Variants in ARK2N observed in about 807,000 individuals in gnomAD.
ARK2N encodes arkadia (RNF111) N-terminal like PKA signaling regulator 2N.
chr18:46,225,245 C>T, the ARK2N span, among the ~76,000 whole-genome samples: 5 of 152,254 alleles, frequency 3.3e-5, no homozygotes, highest in African/African-American at 1.2e-4. Context: ...ACTGCCACAG[C>T]AGCCCTTTGG....
chr18:46,252,685 T>C, the ARK2N span, among the ~76,000 whole-genome samples: 1 of 152,198 alleles, frequency 6.6e-6, no homozygotes, highest in East Asian at 1.9e-4. Flanking sequence ...CTTTAGAGGG[T>C]AAATGAGAAT....
the ARK2N span, among the ~76,000 whole-genome samples, chr18:46,241,027 A>T: frequency 6.6e-6 from 1 of 152,238 alleles, no homozygotes; most frequent in African/African-American, 2.4e-5. Context: ...TTAATTTATA[A>T]ATGCATTGGT....
the ARK2N span, among the ~76,000 whole-genome samples, chr18:46,249,240 C>CT: frequency 6.6e-6 from 1 of 151,494 alleles, no homozygotes; most frequent in Non-Finnish European, 1.5e-5. Context: ...TTTTTTTTTA[C>CT]TTTTTTTGAG....
chr18:46,204,857 T>A, the ARK2N span, among the ~76,000 whole-genome samples: 1 of 152,076 alleles, frequency 6.6e-6, no homozygotes, highest in African/African-American at 2.4e-5. Flanking sequence ...TTGCATTCCT[T>A]ACATTAGGAA....
At chr18:46,261,755 T>C in the ARK2N span, among the ~76,000 whole-genome samples, 1 of 152,240 alleles carries the variant, frequency 6.6e-6, no homozygotes, top group Admixed American at 6.5e-5. Flanking sequence ...GCTCTGGCCC[T>C]GAGAGATCTG....
the ARK2N span, among the ~76,000 whole-genome samples, chr18:46,229,186 T>C: frequency 6.6e-6 from 1 of 152,078 alleles, no homozygotes; most frequent in Non-Finnish European, 1.5e-5. Context: ...CAGAGTGCTT[T>C]GAAGGTAATA....
chr18:46,234,808 G>A, the ARK2N span, among the ~76,000 whole-genome samples: 2 of 152,206 alleles, frequency 1.3e-5, no homozygotes, highest in East Asian at 1.9e-4. Flanking sequence ...CAAAGGGCCT[G>A]TGATAGGGTC....
chr18:46,198,310 CAAAAAAAAAA>C, the ARK2N span, among the ~76,000 whole-genome samples: 3 of 69,114 alleles, frequency 4.3e-5, no homozygotes, highest in African/African-American at 1.1e-4. Context: ...ACTCCATCTC[CAAAAAAAAAA>C]AAAAAAAAAA....
At chr18:46,231,574 T>A in the ARK2N span, among the ~76,000 whole-genome samples, 1 of 149,900 alleles carries the variant, frequency 6.7e-6, no homozygotes, top group Non-Finnish European at 1.5e-5. Flanking sequence ...GGCTTTTTTT[T>A]TTTTTTTTTT....
chr18:46,232,303 C>G, the ARK2N span: 4 of 152,000 alleles, frequency 2.6e-5, no homozygotes, highest in African/African-American at 9.7e-5. Flanking sequence ...AAAAAGGTAG[C>G]CTTTTAAATT....
At chr18:46,221,991 T>A in the ARK2N span, among the ~76,000 whole-genome samples, 2 of 152,262 alleles carry the variant, frequency 1.3e-5, no homozygotes, top group Admixed American at 1.3e-4. Flanking sequence ...AAAAACTGTC[T>A]ATTTTCAGAT....
the ARK2N span, among the ~76,000 whole-genome samples, chr18:46,246,245 C>T: frequency 1.6e-4 from 24 of 149,454 alleles, no homozygotes; most frequent in Admixed American, 1.2e-3. Context: ...GGGGGTGAGG[C>T]GGGGTGGGGA....
chr18:46,221,364 G>GTAGA, the ARK2N span, among the ~76,000 whole-genome samples: 1 of 150,666 alleles, frequency 6.6e-6, no homozygotes, highest in Non-Finnish European at 1.5e-5. Flanking sequence ...TGGCCAACAT[G>GTAGA]GTGAAACCCC....
the ARK2N span, among the ~76,000 whole-genome samples, chr18:46,192,131 C>T: frequency 0.021 from 3,269 of 152,196 alleles, 102 homozygotes; most frequent in African/African-American, 0.073. Flanking sequence ...GTGTGTTTTT[C>T]AGCATTTTTG....
the ARK2N span, among the ~76,000 whole-genome samples, chr18:46,250,196 G>A: frequency 3.5e-4 from 53 of 152,010 alleles, no homozygotes; most frequent in Admixed American, 2.2e-3. Context: ...TGCTTACTCC[G>A]TGATAGTTTC....
chr18:46,241,679 T>A, the ARK2N span, among the ~76,000 whole-genome samples: 1 of 151,988 alleles, frequency 6.6e-6, no homozygotes, highest in Non-Finnish European at 1.5e-5. Flanking sequence ...GAGCTAAGAT[T>A]GTGCCACTGC....
the ARK2N span, among the ~76,000 whole-genome samples, chr18:46,261,635 C>A: frequency 6.6e-6 from 1 of 152,126 alleles, no homozygotes; most frequent in Non-Finnish European, 1.5e-5. Flanking sequence ...CTATTTATTT[C>A]TCTAGCTAAT....
At chr18:46,253,861 A>T in the ARK2N span, 1 of 1,542,566 alleles carries the variant, frequency 6.5e-7, no homozygotes, top group Non-Finnish European at 8.8e-7. Flanking sequence ...ATTTTAAGTT[A>T]TAAATTCTAT....
the ARK2N span, among the ~76,000 whole-genome samples, chr18:46,206,713 C>T: frequency 1.3e-5 from 2 of 152,126 alleles, no homozygotes; most frequent in Admixed American, 6.6e-5. Flanking sequence ...TTTATCTTAC[C>T]GTATGTTAGT....
Sources: allele counts gnomAD v4.1 joint callset (sites outside exome capture counted in the v4.1 genomes callset), GRCh38; gene constraint gnomAD v4.1.1; transcripts MANE v1.5; gene names NCBI Gene and HGNC (gene_info 2026-07-23, HGNC 2026-07-21).